Variants in ASPH observed in about 807,000 individuals in gnomAD.
ASPH encodes aspartyl/asparaginyl beta-hydroxylase.
In ASPH, 100 loss-of-function variants were observed where a neutral mutation model predicts 118.4. That is an observed-to-expected ratio of 0.84 (90% CI 0.72 to 1.00). ASPH has a LOEUF of 1.00. Ranked by LOEUF, ASPH falls within the 50% of genes least tolerant of loss-of-function variation. ASPH has a pLI of 0.00. For missense variants in ASPH, 920 were observed against 919.5 expected, an observed-to-expected ratio of 1.00 and a Z score of -0.01; for synonymous variants, 315 against 325.6, an observed-to-expected ratio of 0.97 and a Z score of 0.35.
chr8:61,573,315 C>T (rs1285291133), intron 16 of ASPH, among the ~76,000 whole-genome samples: 1 of 152,144 alleles, frequency 6.6e-6, no homozygotes, highest in Admixed American at 6.5e-5. Context: ...TAAATGCTAT[C>T]CCCATCAAGC....
At chr8:61,579,972 T>A (rs1587579647) in intron 15 of ASPH, among the ~76,000 whole-genome samples, 1 of 148,272 alleles carries the variant, frequency 6.7e-6, no homozygotes, top group Middle Eastern at 3.6e-3. Context: ...TCAAGTTCCA[T>A]GCAAGTCTAA....
intron 1 of ASPH, among the ~76,000 whole-genome samples, chr8:61,706,455 A>AAGG (rs1554594967): frequency 1.3e-4 from 18 of 142,172 alleles, no homozygotes; most frequent in African/African-American, 4.6e-4. Flanking sequence ...GAAGAAGAAG[A>AAGG]AGGAGGAAGA....
chr8:61,669,168 T>C (rs1051319496), intron 3 of ASPH, among the ~76,000 whole-genome samples: 1 of 152,242 alleles, frequency 6.6e-6, no homozygotes, highest in African/African-American at 2.4e-5. Flanking sequence ...CAAAGCCATC[T>C]GACATTTTTG....
At chr8:61,713,448 C>T (rs1838558131) in intron 1 of ASPH, among the ~76,000 whole-genome samples, 1 of 152,178 alleles carries the variant, frequency 6.6e-6, no homozygotes, top group African/African-American at 2.4e-5. Context: ...GAGTCTAAAT[C>T]ACTTCAAGTG....
At chr8:61,602,469 A>G (rs1436900413) in intron 14 of ASPH, among the ~76,000 whole-genome samples, 2 of 151,506 alleles carry the variant, frequency 1.3e-5, no homozygotes, top group African/African-American at 2.5e-5. Flanking sequence ...ATGAGCATCT[A>G]TGAAAAATCT....
chr8:61,562,688 T>C, intron 18 of ASPH, 56 bp downstream of exon 18: 2 of 1,446,936 alleles, frequency 1.4e-6, no homozygotes, highest in Non-Finnish European at 1.8e-6. Context: ...ATAAATGTAA[T>C]TTGCAAATAG....
chr8:61,548,357 G>A, intron 20 of ASPH, 149 bp from the exon 21 acceptor site: 4 of 969,866 alleles, frequency 4.1e-6, no homozygotes, highest in Admixed American at 3.2e-5. Context: ...GTTGAAATCT[G>A]GTGAAAATAT....
chr8:61,615,369 T>C (rs1848675741), intron 14 of ASPH, among the ~76,000 whole-genome samples: 2 of 152,156 alleles, frequency 1.3e-5, no homozygotes, highest in Non-Finnish European at 2.9e-5. Context: ...TCATTCTGTT[T>C]TCCTTTCCTG....
rs139501852 is a variant in ASPH, at chr8:61,563,972, G to A, written c.1301-1092C>T. On this transcript the variant is annotated intron_variant, in intron 17 of 24. Coordinates refer to ENST00000379454, the MANE Select transcript of ASPH (RefSeq NM_004318.4). ...TCTCCATTTGCCTCAGAGCCTCCTC[G>A]AGTGAACTTGCTTTATTCTCAAGGA... is the stretch of plus-strand genomic sequence containing the variant. Among the ~76,000 whole-genome samples the A allele has an allele frequency of 6.7e-4, 102 of 152,230 alleles. 2 individuals carry two copies. In the East Asian group the frequency reaches 0.015, roughly 22 times the overall value.
intron 20 of ASPH, among the ~76,000 whole-genome samples, chr8:61,552,763 G>C (rs896304997): frequency 1.3e-5 from 2 of 151,866 alleles, no homozygotes; most frequent in African/African-American, 4.8e-5. Context: ...AACATACACA[G>C]ACATGTACCA....
chr8:61,621,245 T>C (rs557349713), intron 13 of ASPH, among the ~76,000 whole-genome samples: 28 of 151,510 alleles, frequency 1.8e-4, no homozygotes, highest in Non-Finnish European at 3.1e-4. Context: ...ATTTCGGATA[T>C]GGAGAAAATA....
At chr8:61,628,806 A>T (rs551017325) in intron 13 of ASPH, among the ~76,000 whole-genome samples, 1 of 152,322 alleles carries the variant, frequency 6.6e-6, no homozygotes, top group Admixed American at 6.5e-5. Flanking sequence ...ACTGTGAACC[A>T]AGCAAGCACA....
chr8:61,665,242 G>A (rs749466892), intron 3 of ASPH: 1 of 1,571,724 alleles, frequency 6.4e-7, no homozygotes, highest in South Asian at 1.2e-5. Context: ...GGATGATGAT[G>A]CCAGAGCTTT....
intron 14 of ASPH, among the ~76,000 whole-genome samples, chr8:61,614,012 C>T (rs899662331): frequency 6.6e-6 from 1 of 152,108 alleles, no homozygotes; most frequent in African/African-American, 2.4e-5. Context: ...GATTTACTGG[C>T]TGTAATACAG....
In ASPH at chr8:61,567,262, G is replaced by T. The variant is rs752722553; in HGVS notation, c.1206C>A (p.Ile402=). 6.2e-7 allele frequency: 1 copy of T among 1,613,936 alleles called. No homozygotes were observed. The highest frequency in any genetic ancestry group is 1.3e-5 in the African/African-American group (1 of 74,884). The part of the protein sequence containing the change: ...RRSNEVLRGA[I]ETYQEVASLP... Reference sequence around the variant, plus strand: ...GGCTGGCCACCTCTTGGTAGGTCTCGATGGCTCCACGTAGCACCTCATTAC... The same window carrying T: ...GGCTGGCCACCTCTTGGTAGGTCTCTATGGCTCCACGTAGCACCTCATTAC... The change falls in exon 17 of 25, where the codon ATC becomes ATA. Residue 402 remains isoleucine, a synonymous_variant. Transcript: ENST00000379454.
intron 14 of ASPH, among the ~76,000 whole-genome samples, chr8:61,614,787 G>T (rs1179138165): frequency 6.6e-6 from 1 of 152,034 alleles, no homozygotes; most frequent in Non-Finnish European, 1.5e-5. Context: ...ACTGTGCCTG[G>T]CCATAGATCC....
intron 14 of ASPH, among the ~76,000 whole-genome samples, chr8:61,611,600 T>C (rs1847390564): frequency 6.6e-6 from 1 of 152,246 alleles, no homozygotes; most frequent in South Asian, 2.1e-4. Flanking sequence ...ATAAAAGTTC[T>C]ACTGGCTTGA....
intron 15 of ASPH, among the ~76,000 whole-genome samples, chr8:61,577,495 C>T (rs1835728464): frequency 7.0e-6 from 1 of 143,884 alleles, no homozygotes; most frequent in African/African-American, 2.6e-5. Context: ...AATATAAGTA[C>T]AGGTTCTACC....
At chr8:61,543,796 A>G (rs546569317) in intron 21 of ASPH, among the ~76,000 whole-genome samples, 1 of 152,218 alleles carries the variant, frequency 6.6e-6, no homozygotes, top group East Asian at 1.9e-4. Flanking sequence ...CATTTTTGTT[A>G]TCGTTGTCAC....
Sources: gnomAD v4.1 joint callset for allele counts (sites outside exome capture counted in the v4.1 genomes callset) on GRCh38, gnomAD v4.1.1 for gene constraint, MANE v1.5 for transcripts, NCBI Gene and HGNC (gene_info 2026-07-23, HGNC 2026-07-21) for gene names.